Variants in FTO observed in about 807,000 individuals in gnomAD.
FTO encodes alpha-ketoglutarate-dependent dioxygenase FTO.
A neutral mutation model predicts 63.9 loss-of-function variants in FTO; 47 were observed. That is an observed-to-expected ratio of 0.74 (90% CI 0.58 to 0.94). The LOEUF is 0.94. Among genes scored for constraint, FTO ranks in the 40% least tolerant of loss-of-function variants. The pLI is 0.00. For synonymous variants in FTO, 207 were observed against 224.4 expected, an observed-to-expected ratio of 0.92 and a Z score of 0.69; for missense variants, 562 against 618.1, an observed-to-expected ratio of 0.91 and a Z score of 0.96.
intron 8 of FTO, among the ~76,000 whole-genome samples, chr16:54,011,765 A>G (rs1332744289): frequency 6.6e-6 from 1 of 152,236 alleles, no homozygotes; most frequent in Non-Finnish European, 1.5e-5. Flanking sequence ...TATACCTGTC[A>G]TAGTGACCTG....
intron 1 of FTO, among the ~76,000 whole-genome samples, chr16:53,747,906 G>A (rs887661682): frequency 9.2e-5 from 14 of 152,104 alleles, no homozygotes; most frequent in East Asian, 5.8e-4. Flanking sequence ...TCTCAACACC[G>A]TTTATTGAAG....
In FTO at chr16:53,873,748, A is replaced by G. The variant is rs768010334; in HGVS notation, c.896-38A>G. 3.3e-6 allele frequency: 5 copies of G among 1,497,324 alleles called. No individual in the cohort carries two copies. The African/African-American group carries it at 5.5e-5, about 17-fold the overall frequency. The allele number at this position is 1,497,324 out of a possible 1,614,324, so 92.8% of individuals were successfully genotyped here. ...TAATATATAGTATATACTGACTAATAAATATGGTTTTATACATTTCTGGTG... is the reference window on the plus strand; with the variant it reads ...TAATATATAGTATATACTGACTAATGAATATGGTTTTATACATTTCTGGTG... On this transcript the variant is annotated intron_variant, in intron 4 of 8. Coordinates refer to ENST00000471389, the MANE Select transcript of FTO (RefSeq NM_001080432.3).
intron 4 of FTO, among the ~76,000 whole-genome samples, chr16:53,873,288 A>G (rs932221501): frequency 7.2e-5 from 11 of 152,156 alleles, no homozygotes; most frequent in African/African-American, 2.2e-4. Flanking sequence ...TGGGCATAAT[A>G]GGACCACAAA....
rs1194621251 is a variant in FTO at position 53,810,189 on chromosome 16, C to T, written c.95C>T (p.Thr32Ile). 7.5e-6 allele frequency: 12 copies of T among 1,609,646 alleles called. No individual in the cohort carries two copies. Among genetic ancestry groups the T allele is most frequent in the Admixed American group, 3.3e-5 (2 of 59,988 alleles). The part of the protein sequence containing the change: ...ELEDTWLPYL[T>I]PKDDEFYQQW... The stretch of plus-strand genomic sequence containing the variant: ...GAAGACACTTGGCTCCCTTATCTGA[C>T]CCCCAAAGATGATGAATTCTATCAG... The change falls in exon 2 of 9, where the codon ACC becomes ATC. Residue 32 changes from threonine to isoleucine, a missense_variant. Thr to Ile is a moderately conservative substitution (Grantham distance 89, BLOSUM62 -1). Transcript: ENST00000471389.
At chr16:53,870,503 A>G (rs1307790758) in intron 4 of FTO, among the ~76,000 whole-genome samples, 2 of 152,192 alleles carry the variant, frequency 1.3e-5, no homozygotes, top group African/African-American at 4.8e-5. Flanking sequence ...ATAAATTGTC[A>G]TCTCTGTTTC....
intron 4 of FTO, among the ~76,000 whole-genome samples, chr16:53,851,606 G>A (rs11076001): frequency 0.23 from 35,281 of 151,998 alleles, 4,552 homozygotes; most frequent in East Asian, 0.33. Flanking sequence ...AAGTGTTAGC[G>A]TAAAGATAGT....
intron 8 of FTO, among the ~76,000 whole-genome samples, chr16:54,101,873 A>T (rs556515860): frequency 6.6e-6 from 1 of 152,076 alleles, no homozygotes. Flanking sequence ...GTGTGAGATG[A>T]TATCTCATTG....
chr16:53,888,757 A>C (rs1415078987), intron 6 of FTO, 75 bp from the exon 7 acceptor site: 3 of 1,521,794 alleles, frequency 2.0e-6, no homozygotes, highest in Non-Finnish European at 2.7e-6. Flanking sequence ...GAGGAGAATT[A>C]AGAGACGAAG....
At position 53,798,570 on chromosome 16, in the gene FTO, T is replaced by C. The variant is rs577302261; in HGVS notation, c.46-11570T>C. Among the ~76,000 whole-genome samples the C allele has an allele frequency of 6.6e-5, 10 of 152,342 alleles. No individual in the cohort carries two copies. The South Asian group carries it at 2.1e-3, about 32-fold the overall frequency. On this transcript the variant is annotated intron_variant, in intron 1 of 8. Coordinates refer to ENST00000471389, the MANE Select transcript of FTO (RefSeq NM_001080432.3). The stretch of plus-strand genomic sequence containing the variant: ...AAAAACTTCAATTTCAGATTGTTGG[T>C]TGCTAGCATATAAAAATAATTTTTG...
At chr16:54,048,055 A>G (rs1486212135) in intron 8 of FTO, among the ~76,000 whole-genome samples, 4 of 78,944 alleles carry the variant, frequency 5.1e-5, no homozygotes, top group Non-Finnish European at 8.7e-5. Context: ...TGGCACATGT[A>G]TACATATGTA....
intron 8 of FTO, among the ~76,000 whole-genome samples, chr16:54,106,840 A>G (rs1243449275): frequency 7.3e-6 from 1 of 137,232 alleles, no homozygotes; most frequent in African/African-American, 2.6e-5. Context: ...ATTTATGTAT[A>G]TCATTATATA....
chr16:53,910,740 T>G (rs1351428580), intron 7 of FTO, among the ~76,000 whole-genome samples: 1 of 152,164 alleles, frequency 6.6e-6, no homozygotes, highest in Non-Finnish European at 1.5e-5. Flanking sequence ...TTCGCCATGT[T>G]GGCCAGGCTA....
chr16:53,711,271 C>G (rs576681334), intron 1 of FTO: 1 of 392,450 alleles, frequency 2.5e-6, no homozygotes, highest in Non-Finnish European at 4.5e-6. Context: ...ACTTATTTCC[C>G]ATGCAGCCAG....
At chr16:54,109,636 G>A (rs1270033810) in intron 8 of FTO, among the ~76,000 whole-genome samples, 1 of 152,204 alleles carries the variant, frequency 6.6e-6, no homozygotes, top group Non-Finnish European at 1.5e-5. Context: ...CCTGGCCCCA[G>A]CCAGTCCTTT....
chr16:53,826,096 C>A lies in FTO; in HGVS notation c.356C>A (p.Pro119Gln). 6.2e-7 allele frequency: 1 copy of A among 1,614,152 alleles called. No homozygotes were observed. The highest frequency in any genetic ancestry group is 8.5e-7 in the Non-Finnish European group (1 of 1,180,026). Reference protein sequence around the residue: ...LNTRLFTVPWPVKGSNIKHTE... With the variant: ...LNTRLFTVPWQVKGSNIKHTE... ...ACCAGGCTCTTTACGGTCCCCTGGC[C>A]AGTGAAAGGGTCTAATATAAAACAC... Residue 119 changes from proline to glutamine, a missense_variant, in exon 3 of 9, where the codon CCA becomes CAA. By Grantham distance (76) the Pro-to-Gln change is moderately conservative. Coordinates refer to ENST00000471389, the MANE Select transcript of FTO (RefSeq NM_001080432.3).
At chr16:54,056,293 ACT>A (rs2085431799) in intron 8 of FTO, among the ~76,000 whole-genome samples, 1 of 151,954 alleles carries the variant, frequency 6.6e-6, no homozygotes, top group Admixed American at 6.6e-5. Context: ...GTAACTGTAA[ACT>A]CTGTGAGGGC....
chr16:53,926,511 C>T (rs890150058), intron 7 of FTO, among the ~76,000 whole-genome samples: 3 of 152,192 alleles, frequency 2.0e-5, no homozygotes, highest in African/African-American at 7.2e-5. Context: ...TAATGGAGCC[C>T]ACACTCTGGA....
chr16:53,944,602 C>T (rs898272018), intron 8 of FTO, among the ~76,000 whole-genome samples: 1 of 152,068 alleles, frequency 6.6e-6, no homozygotes, highest in African/African-American at 2.4e-5. Flanking sequence ...ATCTTGGATC[C>T]ACTTCTATAA....
chr16:53,876,679 C>T lies in FTO; in HGVS notation c.975+2814C>T, dbSNP rs190092698. The stretch of plus-strand genomic sequence containing the variant: ...CAGTGGCTCATGCCTGTAATCCCAG[C>T]ACTTTAGGAGGCCGAGGTGAGTGGA... On this transcript the variant is annotated intron_variant, in intron 5 of 8. Transcript: ENST00000471389. 3.9e-5 allele frequency among the ~76,000 whole-genome samples: 6 copies of T among 152,314 alleles called. No individual in the cohort carries two copies. In the East Asian group the frequency reaches 9.6e-4, roughly 24 times the overall value.
Sources: gnomAD v4.1 joint callset for allele counts (sites outside exome capture counted in the v4.1 genomes callset) on GRCh38, gnomAD v4.1.1 for gene constraint, MANE v1.5 for transcripts, NCBI Gene and HGNC (gene_info 2026-07-23, HGNC 2026-07-21) for gene names.